The following SLC25A21 variants were observed in gnomAD, a reference collection of about 807,000 sequenced individuals.
SLC25A21 encodes solute carrier family 25 member 21.
In SLC25A21, 47 loss-of-function variants were observed where a neutral mutation model predicts 43.8. The observed-to-expected ratio is 1.07, with a 90% CI of 0.85 to 1.37. The LOEUF (loss-of-function observed/expected upper bound fraction) is 1.37, where lower values mean the gene tolerates loss of function less well. Ranked by LOEUF, SLC25A21 falls within the 40% of genes most tolerant of loss-of-function variation. The pLI is 0.00. For missense variants in SLC25A21, 352 were observed against 350.2 expected, an observed-to-expected ratio of 1.00 and a Z score of -0.04; for synonymous variants, 131 against 121.3, an observed-to-expected ratio of 1.08 and a Z score of -0.52.
intron 5 of SLC25A21, 25 bp downstream of exon 5, chr14:36,729,482 A>G: frequency 1.9e-6 from 3 of 1,541,710 alleles, no homozygotes; most frequent in Non-Finnish European, 2.6e-6. Flanking sequence ...ACACACATTT[A>G]AGTATAATAA....
intron 5 of SLC25A21, among the ~76,000 whole-genome samples, chr14:36,725,894 T>C (rs1884584924): frequency 6.6e-6 from 1 of 152,276 alleles, no homozygotes; most frequent in African/African-American, 2.4e-5. Context: ...ATCCTAACAA[T>C]TTCAAAATAA....
intron 1 of SLC25A21, among the ~76,000 whole-genome samples, chr14:37,079,965 T>C (rs1220877216): frequency 6.6e-6 from 1 of 151,884 alleles, no homozygotes; most frequent in Non-Finnish European, 1.5e-5. Flanking sequence ...CCCCAGGGAG[T>C]TGTTTTGCCC....
In SLC25A21 at chr14:37,096,503, G is replaced by T. The variant is rs554516899; in HGVS notation, c.70+75778C>A. ...TCCTCTTTAAGGCCAATAATTCTTAGATTTGTCCTTTTGAAGCTATTTTCT... is the reference window on the plus strand; with the variant it reads ...TCCTCTTTAAGGCCAATAATTCTTATATTTGTCCTTTTGAAGCTATTTTCT... On this transcript the variant is annotated intron_variant, in intron 1 of 9. Coordinates refer to ENST00000331299, the MANE Select transcript of SLC25A21 (RefSeq NM_030631.4). 1.1e-4 allele frequency among the ~76,000 whole-genome samples: 17 copies of T among 152,188 alleles called. 2 individuals carry two copies. Among genetic ancestry groups the T allele is most frequent in the African/African-American group, 4.1e-4 (17 of 41,522 alleles).
At chr14:37,072,079 G>A (rs1017579371) in intron 1 of SLC25A21, among the ~76,000 whole-genome samples, 8 of 151,130 alleles carry the variant, frequency 5.3e-5, no homozygotes, top group Non-Finnish European at 1.0e-4. Flanking sequence ...CTACTCAGGA[G>A]GCCGAAGCAA....
intron 6 of SLC25A21, among the ~76,000 whole-genome samples, chr14:36,716,659 G>A (rs1041562252): frequency 2.6e-5 from 4 of 152,168 alleles, no homozygotes; most frequent in Non-Finnish European, 4.4e-5. Flanking sequence ...TACTACCAAC[G>A]AATCACTGAG....
At chr14:36,772,147 A>G (rs2138358824) in intron 3 of SLC25A21, among the ~76,000 whole-genome samples, 1 of 152,324 alleles carries the variant, frequency 6.6e-6, no homozygotes, top group South Asian at 2.1e-4. Flanking sequence ...GTCAGGAGCA[A>G]GTTTTGCCCC....
At chr14:37,143,210 A>C (rs1963600197) in intron 1 of SLC25A21, among the ~76,000 whole-genome samples, 1 of 152,224 alleles carries the variant, frequency 6.6e-6, no homozygotes, top group East Asian at 1.9e-4. Flanking sequence ...AAAGGGACAA[A>C]ATTTGGCAGG....
At chr14:36,969,286 G>C (rs1188858105) in intron 1 of SLC25A21, among the ~76,000 whole-genome samples, 1 of 152,132 alleles carries the variant, frequency 6.6e-6, no homozygotes, top group Non-Finnish European at 1.5e-5. Context: ...CCAAGAGCGG[G>C]AACAGATGTG....
chr14:37,150,412 A>T (rs1963738888), intron 1 of SLC25A21, among the ~76,000 whole-genome samples: 1 of 152,156 alleles, frequency 6.6e-6, no homozygotes, highest in Non-Finnish European at 1.5e-5. Flanking sequence ...AGTTTCTTCC[A>T]TCCCTCTTTC....
At chr14:36,761,315 CAT>C (rs1319108395) in intron 3 of SLC25A21, among the ~76,000 whole-genome samples, 3 of 152,226 alleles carry the variant, frequency 2.0e-5, no homozygotes, top group African/African-American at 7.2e-5. Context: ...CTCTGTGCCA[CAT>C]GTGTCCTTCA....
intron 6 of SLC25A21, among the ~76,000 whole-genome samples, chr14:36,724,566 C>T (rs1000321173): frequency 6.6e-6 from 1 of 152,228 alleles, no homozygotes; most frequent in Non-Finnish European, 1.5e-5. Context: ...TGCCAATCCC[C>T]TTGTTTTCCT....
chr14:37,021,996 AG>A (rs1960996571), intron 1 of SLC25A21, among the ~76,000 whole-genome samples: 1 of 151,904 alleles, frequency 6.6e-6, no homozygotes, highest in African/African-American at 2.4e-5. Flanking sequence ...TGTATAACAA[AG>A]GTGTGCCAGG....
intron 1 of SLC25A21, among the ~76,000 whole-genome samples, chr14:36,903,577 C>T (rs1047616968): frequency 7.0e-5 from 8 of 114,406 alleles, no homozygotes; most frequent in African/African-American, 2.7e-4. Context: ...TGTGCCACTG[C>T]ATTCCAGCCT....
intron 7 of SLC25A21, among the ~76,000 whole-genome samples, chr14:36,693,482 A>T (rs1882881087): frequency 6.6e-6 from 1 of 152,198 alleles, no homozygotes; most frequent in Non-Finnish European, 1.5e-5. Context: ...TGAACATACA[A>T]GATTAAATTT....
chr14:37,164,635 T>C (rs1315785607), intron 1 of SLC25A21, among the ~76,000 whole-genome samples: 2 of 152,228 alleles, frequency 1.3e-5, no homozygotes, highest in Non-Finnish European at 2.9e-5. Context: ...ACTTCTAGTA[T>C]ACATACTATT....
At chr14:36,967,319 A>G (rs1959640015) in intron 1 of SLC25A21, among the ~76,000 whole-genome samples, 1 of 152,158 alleles carries the variant, frequency 6.6e-6, no homozygotes, top group African/African-American at 2.4e-5. Context: ...TCCCCTATTT[A>G]TATGATAAGC....
chr14:36,826,238 T>G (rs1415531127), intron 2 of SLC25A21, among the ~76,000 whole-genome samples: 3 of 152,150 alleles, frequency 2.0e-5, no homozygotes, highest in Non-Finnish European at 4.4e-5. Context: ...AGGAGCCCAA[T>G]GTAGCATTTT....
chr14:36,979,290 T>C (rs1959956697), intron 1 of SLC25A21, among the ~76,000 whole-genome samples: 1 of 151,360 alleles, frequency 6.6e-6, no homozygotes, highest in African/African-American at 2.4e-5. Context: ...TATGGAAGAC[T>C]GTGAGATAAT....
At chr14:36,958,642 CAT>C (rs773085400) in intron 1 of SLC25A21, among the ~76,000 whole-genome samples, 9 of 151,854 alleles carry the variant, frequency 5.9e-5, no homozygotes, top group Non-Finnish European at 1.3e-4. Context: ...CACTGGCTCA[CAT>C]ACATGTGTGT....
Sources: gnomAD v4.1 joint callset for allele counts (sites outside exome capture counted in the v4.1 genomes callset) on GRCh38, gnomAD v4.1.1 for gene constraint, MANE v1.5 for transcripts, NCBI Gene and HGNC (gene_info 2026-07-23, HGNC 2026-07-21) for gene names.